NR5A2: variants seen among roughly 807,000 people sequenced by gnomAD.
NR5A2 encodes the protein CYP7A promoter-binding factor.
Under a neutral mutation model 62.7 loss-of-function variants are expected in NR5A2, and 26 were observed. The ratio of observed to expected loss-of-function variants is 0.41; its 90% CI spans 0.30 to 0.58. The LOEUF is 0.58. Among genes scored for constraint, NR5A2 ranks in the 20% least tolerant of loss-of-function variants. NR5A2 has a pLI of 0.22. For missense variants in NR5A2, 541 were observed against 669.1 expected (o/e 0.81, Z 2.11); for synonymous variants, 246 against 241.7 (o/e 1.02, Z -0.16).
chr1:200,091,029 C>T (rs1664793034), intron 5 of NR5A2, among the ~76,000 whole-genome samples: 1 of 152,208 alleles, frequency 6.6e-6, no homozygotes, highest in Non-Finnish European at 1.5e-5. Flanking sequence ...CAATATCCCT[C>T]TGGGTCTCCC....
intron 5 of NR5A2, among the ~76,000 whole-genome samples, chr1:200,100,558 G>T (rs2821323): frequency 0.86 from 131,228 of 152,178 alleles, 56,681 homozygotes; most frequent in East Asian, 0.97. Context: ...TTCTCTCCAT[G>T]TCTGTGTTGT....
At chr1:200,088,225 GTTGT>G (rs1558130357) in intron 5 of NR5A2, among the ~76,000 whole-genome samples, 2 of 149,388 alleles carry the variant, frequency 1.3e-5, no homozygotes, top group Admixed American at 1.3e-4. Flanking sequence ...TTTTGTTGTT[GTTGT>G]TTTTGTTTTT....
chr1:200,122,831 T>A (rs1666536741), intron 7 of NR5A2, among the ~76,000 whole-genome samples: 1 of 152,042 alleles, frequency 6.6e-6, no homozygotes, highest in African/African-American at 2.4e-5. Context: ...TGGCCGAGAG[T>A]CTATTTTTTT....
intron 5 of NR5A2, among the ~76,000 whole-genome samples, chr1:200,094,243 G>GGT: frequency 6.6e-6 from 1 of 150,612 alleles, no homozygotes; most frequent in East Asian, 2.0e-4. Flanking sequence ...GGAGTGCAGT[G>GGT]ACGCCATCTC....
rs1667783246 is a variant in NR5A2, at chr1:200,147,832, C to A, written c.1379-26131C>A. The stretch of plus-strand genomic sequence containing the variant: ...GTCCAGCACCAGGTCCTGGCTGCAG[C>A]CATTGGTGAGCAGTATGGCCACCTG... On this transcript the variant is annotated intron_variant, in intron 7 of 7. Transcript: ENST00000367362. The surrounding 1 kb of genome is among the most constrained non-coding windows in gnomAD (Gnocchi z 4.9). The A allele has an allele frequency of 2.1e-6, 1 of 468,156 alleles. No homozygotes were observed. Among genetic ancestry groups the A allele is most frequent in the Admixed American group, 3.4e-5 (1 of 29,480 alleles). 29.0% of individuals were successfully genotyped at this position (468,156 alleles called of 1,614,324 possible). A position where few individuals can be genotyped will look rare whatever the true frequency, so the allele number is the denominator to read the frequency against.
intron 6 of NR5A2, among the ~76,000 whole-genome samples, chr1:200,120,561 A>T (rs1050798533): frequency 6.6e-6 from 1 of 152,196 alleles, no homozygotes; most frequent in African/African-American, 2.4e-5. Flanking sequence ...CCCTTCTGTT[A>T]TCAATCTGTA....
At chr1:200,044,117 C>T in intron 3 of NR5A2, 2 of 387,650 alleles carry the variant, frequency 5.2e-6, no homozygotes, top group East Asian at 8.3e-5. Context: ...TCTCATGGTT[C>T]TAAAATACTT....
chr1:200,169,613 G>A (rs575490278), intron 7 of NR5A2, among the ~76,000 whole-genome samples: 247 of 152,330 alleles, frequency 1.6e-3, no homozygotes, highest in Non-Finnish European at 3.0e-3. Flanking sequence ...ACCCCACTGT[G>A]AGCTTATCGT....
chr1:200,064,363 G>A (rs1663374000), intron 5 of NR5A2, among the ~76,000 whole-genome samples: 1 of 152,160 alleles, frequency 6.6e-6, no homozygotes, highest in Admixed American at 6.5e-5. Flanking sequence ...TGTTTGAACT[G>A]GAAAGGACAA....
chr1:200,170,520 T>C (rs1654123315), intron 7 of NR5A2, among the ~76,000 whole-genome samples: 1 of 152,120 alleles, frequency 6.6e-6, no homozygotes, highest in Non-Finnish European at 1.5e-5. Context: ...CTGGGAGGTG[T>C]TATCATTTGT....
Position 200,039,805 on chromosome 1 carries a change from C to A in NR5A2, c.202+10C>A. 6.3e-7 allele frequency: 1 copy of A among 1,588,818 alleles called. No homozygotes were observed. The highest frequency in any genetic ancestry group is 8.5e-7 in the Non-Finnish European group (1 of 1,170,002). ...CCGGAAAACATGCAAGGTAAGGAGGCGCCGCGCGGCGCTCCGGCTCCCGCT... is the reference window on the plus strand; with the variant it reads ...CCGGAAAACATGCAAGGTAAGGAGGAGCCGCGCGGCGCTCCGGCTCCCGCT... On this transcript the variant is annotated intron_variant, in intron 2 of 7. Coordinates refer to ENST00000367362, the MANE Select transcript of NR5A2 (RefSeq NM_205860.3). This position sits in a 1 kb window ranked among gnomAD's most constrained non-coding sequence, Gnocchi z 5.1.
intron 5 of NR5A2, among the ~76,000 whole-genome samples, chr1:200,107,466 A>T (rs997893612): frequency 2.0e-5 from 3 of 152,208 alleles, no homozygotes; most frequent in Non-Finnish European, 4.4e-5. Context: ...GGAAGACAGG[A>T]TAATGTGAAC....
In NR5A2 at chr1:200,108,081, C is replaced by CGTGTGTGTGTGTGTGT. The variant is rs71132660; in HGVS notation, c.1111-3102_1111-3087dup. 3.9e-3 allele frequency among the ~76,000 whole-genome samples: 575 copies of CGTGTGTGTGTGTGTGT among 146,864 alleles called. 11 individuals carry two copies. In the East Asian group the frequency reaches 0.044, roughly 11 times the overall value. ...TGATGAGATGGCTCTAGAAGACATA[C>CGTGTGTGTGTGTGTGT]GTGTGTGTGTGTGTGTGTGTGTGTG... is the stretch of plus-strand genomic sequence containing the variant. On this transcript the variant is annotated intron_variant, in intron 5 of 7. Coordinates refer to ENST00000367362, the MANE Select transcript of NR5A2 (RefSeq NM_205860.3).
intron 5 of NR5A2, among the ~76,000 whole-genome samples, chr1:200,080,174 T>A (rs6658424): frequency 0.29 from 43,440 of 151,942 alleles, 6,267 homozygotes; most frequent in Middle Eastern, 0.37. Context: ...ACAAGAACCA[T>A]CAGGCAATGC....
At chr1:200,159,111 CA>C (rs906580589) in intron 7 of NR5A2, among the ~76,000 whole-genome samples, 3 of 151,752 alleles carry the variant, frequency 2.0e-5, no homozygotes, top group African/African-American at 7.3e-5. Flanking sequence ...GACTGGTCTC[CA>C]ACTCCTGGCC....
At chr1:200,091,135 T>C (rs1664796884) in intron 5 of NR5A2, among the ~76,000 whole-genome samples, 2 of 152,204 alleles carry the variant, frequency 1.3e-5, no homozygotes. Context: ...TGCTTTAACG[T>C]GCAGCAACTC....
At chr1:200,077,045 C>G (rs1321596125) in intron 5 of NR5A2, among the ~76,000 whole-genome samples, 1 of 152,166 alleles carries the variant, frequency 6.6e-6, no homozygotes, top group Non-Finnish European at 1.5e-5. Flanking sequence ...ACCTAACAAG[C>G]GTTTAAGGCA....
At chr1:200,055,047 C>T (rs1662846710) in intron 5 of NR5A2, among the ~76,000 whole-genome samples, 1 of 152,028 alleles carries the variant, frequency 6.6e-6, no homozygotes, top group Non-Finnish European at 1.5e-5. Context: ...CAGGCGCATG[C>T]AACCACGCTA....
chr1:200,097,371 AC>A (rs1029279933), intron 5 of NR5A2, among the ~76,000 whole-genome samples: 26 of 152,276 alleles, frequency 1.7e-4, no homozygotes, highest in Middle Eastern at 6.8e-3. Flanking sequence ...TACAAGGGAG[AC>A]AAAAGAACTC....
Sources: allele counts gnomAD v4.1 joint callset (sites outside exome capture counted in the v4.1 genomes callset), GRCh38; gene constraint gnomAD v4.1.1; non-coding constraint Gnocchi (gnomAD v3.1); transcripts MANE v1.5; gene names NCBI Gene and HGNC (gene_info 2026-07-23, HGNC 2026-07-21).